The following OTOA variants were observed in gnomAD, a reference collection of about 807,000 sequenced individuals.
OTOA encodes the protein cancer/testis antigen 108.
In OTOA, 70 loss-of-function variants were observed where a neutral mutation model predicts 110.8. That is an observed-to-expected ratio of 0.63 (90% confidence interval 0.52 to 0.77). The LOEUF is 0.77. OTOA is among the 30% of genes least tolerant of loss of function. The pLI, the probability that OTOA is intolerant of heterozygous loss-of-function variation, is 0.00. For synonymous variants in OTOA, 373 were observed against 431.5 expected, an observed-to-expected ratio of 0.86 and a Z score of 1.68; for missense variants, 917 against 1,075.8, an observed-to-expected ratio of 0.85 and a Z score of 2.06.
chr16:21,670,914 G>C (rs968881440), intron 1 of OTOA, among the ~76,000 whole-genome samples: 2 of 152,114 alleles, frequency 1.3e-5, no homozygotes, highest in African/African-American at 4.8e-5. Flanking sequence ...GCCTGTGAGA[G>C]GGTCTTAATC....
chr16:21,667,051 G>C (rs1051430994), intron 1 of OTOA, among the ~76,000 whole-genome samples: 13 of 152,234 alleles, frequency 8.5e-5, no homozygotes, highest in Non-Finnish European at 1.5e-4. Flanking sequence ...GAGAAAAAAG[G>C]GTCAAAGGTT....
intron 18 of OTOA, among the ~76,000 whole-genome samples, chr16:21,725,339 C>T (rs1188592121): frequency 6.6e-6 from 1 of 152,052 alleles, no homozygotes; most frequent in Non-Finnish European, 1.5e-5. Context: ...GGTTGGAGTG[C>T]AGTGGTGCGA....
At chr16:21,714,185 A>G (rs1473623096) in intron 13 of OTOA, among the ~76,000 whole-genome samples, 1 of 152,072 alleles carries the variant, frequency 6.6e-6, no homozygotes, top group East Asian at 1.9e-4. Context: ...AAAAAACCCA[A>G]GTATAATTTC....
chr16:21,715,139 G>T lies in OTOA; in HGVS notation c.1475G>T (p.Gly492Val), dbSNP rs758787204. 1 of 1,614,168 alleles carries T rather than the reference G, an allele frequency of 6.2e-7. No individual in the cohort carries two copies. The highest frequency in any genetic ancestry group is 1.1e-5 in the South Asian group (1 of 91,088). Residue 492 changes from glycine to valine, a missense_variant, in exon 14 of 29, where the codon GGT becomes GTT. Around this residue, in one of 6 missense-constraint regions of OTOA, gnomAD observed 840 missense variants for 910.2 expected, o/e 0.92. Transcript: ENST00000646100. Reference protein sequence around the residue: ...VSDLSPAQQQGILSKMVQAED... With the variant: ...VSDLSPAQQQVILSKMVQAED... ...GACTTGTCACCTGCCCAGCAGCAAG[G>T]TATCCTCAGCAAGGTGAGAGGAAGA...
Position 21,700,961 on chromosome 16 carries a change from C to T in OTOA, c.914C>T (p.Ala305Val). The T allele has an allele frequency of 6.2e-7, 1 of 1,614,102 alleles. No individual in the cohort carries two copies. The highest frequency in any genetic ancestry group is 1.1e-5 in the South Asian group (1 of 91,072). The change falls in exon 11 of 29, where the codon GCC becomes GTC. Residue 305 changes from alanine to valine, a missense_variant. By Grantham distance (64) the Ala-to-Val change is moderately conservative (BLOSUM62 0). This residue lies in a region of OTOA where 840 missense variants were observed against 910.2 expected (regional missense o/e 0.92). Coordinates refer to ENST00000646100, the MANE Select transcript of OTOA (RefSeq NM_144672.4). ...DMVYDITPEL[A>V]QAFLERISSS... ...GTCTATGACATCACACCTGAGCTGGCCCAGGCGTTTCTGGAGAGGATCAGC... is the reference window on the plus strand; with the variant it reads ...GTCTATGACATCACACCTGAGCTGGTCCAGGCGTTTCTGGAGAGGATCAGC...
intron 12 of OTOA, among the ~76,000 whole-genome samples, chr16:21,707,655 T>TTCTCTTTCTGTCTC (rs1898225659): frequency 1.0e-5 from 1 of 100,372 alleles, no homozygotes; most frequent in Non-Finnish European, 2.3e-5. Context: ...CTTTCTTTCT[T>TTCTCTTTCTGTCTC]TCTCTTTCTT....
chr16:21,695,887 A>ATTTTTTTTTTTT (rs1205590889), intron 9 of OTOA, among the ~76,000 whole-genome samples: 3 of 61,632 alleles, frequency 4.9e-5, no homozygotes, highest in Non-Finnish European at 8.4e-5. Flanking sequence ...ATATATATAT[A>ATTTTTTTTTTTT]TATATTTTTT....
chr16:21,682,600 C>T (rs772431775), intron 6 of OTOA, among the ~76,000 whole-genome samples: 7 of 152,192 alleles, frequency 4.6e-5, no homozygotes, highest in African/African-American at 7.2e-5. Flanking sequence ...GTGGTGACTG[C>T]GGTGAACTGC....
intron 9 of OTOA, 139 bp from the exon 10 acceptor site, chr16:21,697,636 A>C: frequency 2.6e-5 from 21 of 800,246 alleles, no homozygotes; most frequent in Non-Finnish European, 4.1e-5. Flanking sequence ...TGTCTCAAAA[A>C]ACCCCGAAAA....
chr16:21,681,659 C>T (rs1966893727), intron 5 of OTOA, 79 bp from the exon 6 acceptor site: 1 of 1,239,586 alleles, frequency 8.1e-7, no homozygotes, highest in African/African-American at 1.5e-5. Context: ...CTACCTGTCC[C>T]CTGGGCACTT....
intron 10 of OTOA, among the ~76,000 whole-genome samples, chr16:21,699,022 C>T (rs549479080): frequency 1.6e-4 from 24 of 152,184 alleles, no homozygotes; most frequent in Non-Finnish European, 2.9e-4. Context: ...GTGATCTCAG[C>T]TCACTGCAAC....
At position 21,728,415 on chromosome 16, in the gene OTOA, C is replaced by G; in HGVS notation, c.2191C>G (p.Leu731Val). 6.2e-7 allele frequency: 1 copy of G among 1,614,014 alleles called. No individual in the cohort carries two copies. The highest frequency in any genetic ancestry group is 8.5e-7 in the Non-Finnish European group (1 of 1,179,984). Residue 731 changes from leucine (L) to valine (V), a missense_variant, in exon 20 of 29, where the codon CTC (leucine) becomes GTC (valine). Coordinates refer to ENST00000646100, the MANE Select transcript of OTOA (RefSeq NM_144672.4). ...GCAAAAGGCTGCAGTGAGGCTCAAG[C>G]TCCTGGGACAGTATGGGTGAGGAGC... ...PEQKAAVRLK[L>V]LGQYGLPQHW...
At chr16:21,723,024 G>T (rs1440086470) in intron 18 of OTOA, 46 bp downstream of exon 18, 1 of 1,579,440 alleles carries the variant, frequency 6.3e-7, no homozygotes, top group Non-Finnish European at 8.7e-7. Flanking sequence ...AGTGAGATCG[G>T]TGGGAATCAC....
intron 13 of OTOA, 146 bp from the exon 14 acceptor site, chr16:21,714,839 G>A (rs1898500276): frequency 5.0e-6 from 5 of 1,009,520 alleles, no homozygotes; most frequent in Non-Finnish European, 7.5e-6. Context: ...AGGAAGGAAG[G>A]CCTGTGGAGG....
At chr16:21,718,122 TAATTTTTGTA>T (rs1898612964) in intron 15 of OTOA, among the ~76,000 whole-genome samples, 3 of 152,078 alleles carry the variant, frequency 2.0e-5, no homozygotes, top group African/African-American at 4.8e-5. Context: ...CATGCCCGGC[TAATTTTTGTA>T]TTTTTTATAG....
At chr16:21,682,379 C>A (rs1343300718) in intron 6 of OTOA, among the ~76,000 whole-genome samples, 8 of 152,198 alleles carry the variant, frequency 5.3e-5, no homozygotes. Context: ...ACACCATAGT[C>A]ACATCTTACT....
At chr16:21,694,003 C>A (rs1252574943) in intron 9 of OTOA, among the ~76,000 whole-genome samples, 1 of 152,218 alleles carries the variant, frequency 6.6e-6, no homozygotes, top group Non-Finnish European at 1.5e-5. Flanking sequence ...TCTGACACTG[C>A]AGCTTGAAGA....
At chr16:21,676,281 C>CT (rs988583094) in intron 1 of OTOA, among the ~76,000 whole-genome samples, 6 of 150,710 alleles carry the variant, frequency 4.0e-5, no homozygotes, top group East Asian at 1.9e-4. Context: ...TTTTTTTTTT[C>CT]TTTTTTTTCT....
chr16:21,691,952 A>G (rs947531431), intron 9 of OTOA, among the ~76,000 whole-genome samples: 1 of 152,190 alleles, frequency 6.6e-6, no homozygotes, highest in African/African-American at 2.4e-5. Context: ...GTGGAATATA[A>G]ATAATGATGG....
Sources: allele counts gnomAD v4.1 joint callset (sites outside exome capture counted in the v4.1 genomes callset), GRCh38; gene constraint gnomAD v4.1.1; regional missense constraint gnomAD v4.1.1; transcripts MANE v1.5; gene names NCBI Gene and HGNC (gene_info 2026-07-23, HGNC 2026-07-21).